ATP8A2: variants seen among roughly 807,000 people sequenced by gnomAD.
ATP8A2 encodes phospholipid-transporting ATPase IB.
In ATP8A2, 100 loss-of-function variants were observed where a neutral mutation model predicts 165.6. That is an observed-to-expected ratio of 0.60 (90% CI 0.51 to 0.71). The LOEUF is 0.71. ATP8A2 is among the 30% of genes least tolerant of loss of function. The pLI, the probability that ATP8A2 is intolerant of heterozygous loss-of-function variation, is 0.00. For missense variants in ATP8A2, 1,227 were observed against 1,479.5 expected, an observed-to-expected ratio of 0.83 and a Z score of 2.80; for synonymous variants, 543 against 548.8, an observed-to-expected ratio of 0.99 and a Z score of 0.15.
intron 24 of ATP8A2, among the ~76,000 whole-genome samples, chr13:25,639,750 G>A (rs1486789304): frequency 6.6e-6 from 1 of 152,102 alleles, no homozygotes; most frequent in Non-Finnish European, 1.5e-5. Context: ...GCACCAAGTG[G>A]ACTTAATAGA....
chr13:25,390,701 G>C (rs2033212563), intron 1 of ATP8A2, among the ~76,000 whole-genome samples: 1 of 152,140 alleles, frequency 6.6e-6, no homozygotes, highest in Non-Finnish European at 1.5e-5. Context: ...AGGCCAAGCT[G>C]GGTGGATCAT....
chr13:25,839,479 G>T (rs1317254591), intron 29 of ATP8A2, 67 bp from the exon 30 acceptor site: 1 of 1,104,244 alleles, frequency 9.1e-7, no homozygotes, highest in Non-Finnish European at 1.4e-6. Flanking sequence ...TGTGGCGTTT[G>T]TTGAGAGTTT....
At chr13:25,718,351 G>A (rs1467616044) in intron 25 of ATP8A2, among the ~76,000 whole-genome samples, 1 of 151,968 alleles carries the variant, frequency 6.6e-6, no homozygotes, top group Non-Finnish European at 1.5e-5. Context: ...AAATTTAAAT[G>A]ACATATAAAT....
chr13:25,536,307 G>A (rs543380793), intron 6 of ATP8A2, among the ~76,000 whole-genome samples: 2 of 151,576 alleles, frequency 1.3e-5, no homozygotes, highest in East Asian at 3.9e-4. Flanking sequence ...GTGAGATGGG[G>A]GTTTCACCAT....
chr13:25,392,937 G>A (rs376872263), intron 1 of ATP8A2, among the ~76,000 whole-genome samples: 124 of 151,370 alleles, frequency 8.2e-4, no homozygotes, highest in African/African-American at 2.9e-3. Flanking sequence ...AAAGAAAAAT[G>A]AACTGGATTC....
chr13:25,405,478 C>T (rs930548349), intron 1 of ATP8A2, among the ~76,000 whole-genome samples: 15 of 152,166 alleles, frequency 9.9e-5, no homozygotes, highest in Non-Finnish European at 2.1e-4. Flanking sequence ...GTATGGCCCA[C>T]GTATCTCAGC....
In ATP8A2 at chr13:25,848,190, A is replaced by C. The variant is rs141450347; in HGVS notation, c.2956+8566A>C. ...GTGAGTACGAACTTCTGCCTCCATG[A>C]CAATCATTCCATGTCTGCCTGTCTT... On this transcript the variant is annotated intron_variant, in intron 30 of 36. Coordinates refer to ENST00000381655, the MANE Select transcript of ATP8A2 (RefSeq NM_016529.6). Among the ~76,000 whole-genome samples, 716 of 152,306 alleles carry C rather than the reference A, an allele frequency of 4.7e-3. 7 individuals carry two copies. Among genetic ancestry groups the C allele is most frequent in the African/African-American group, 0.017 (691 of 41,562 alleles).
chr13:25,444,669 AG>A (rs2035024158), intron 1 of ATP8A2, among the ~76,000 whole-genome samples: 1 of 151,338 alleles, frequency 6.6e-6, no homozygotes, highest in African/African-American at 2.4e-5. Context: ...TTTTTGAGAC[AG>A]AGTCTCACTG....
intron 23 of ATP8A2, among the ~76,000 whole-genome samples, chr13:25,587,044 C>T (rs901082815): frequency 7.9e-5 from 12 of 152,156 alleles, no homozygotes; most frequent in Admixed American, 6.6e-4. Context: ...GTTCTCCTCT[C>T]AGTCATTTTA....
intron 33 of ATP8A2, among the ~76,000 whole-genome samples, chr13:25,864,978 A>G (rs1952466551): frequency 1.3e-5 from 2 of 152,180 alleles, no homozygotes; most frequent in Non-Finnish European, 2.9e-5. Context: ...TGCTTTGTTC[A>G]TTCTTTGAAA....
chr13:25,895,065 C>T (rs1185676410), intron 33 of ATP8A2, among the ~76,000 whole-genome samples: 4 of 152,182 alleles, frequency 2.6e-5, no homozygotes, highest in Admixed American at 6.6e-5. Flanking sequence ...GAACTTCCAA[C>T]ACTATGTTGA....
At chr13:25,424,577 A>G (rs1394215257) in intron 1 of ATP8A2, among the ~76,000 whole-genome samples, 1 of 152,216 alleles carries the variant, frequency 6.6e-6, no homozygotes, top group Non-Finnish European at 1.5e-5. Context: ...AAAACACATT[A>G]AAATATTTAC....
At chr13:25,781,801 A>G (rs189681284) in intron 27 of ATP8A2, among the ~76,000 whole-genome samples, 8 of 152,264 alleles carry the variant, frequency 5.3e-5, no homozygotes, top group African/African-American at 1.9e-4. Flanking sequence ...ACCTTCAAAC[A>G]TTGTTAGAAA....
chr13:25,580,858 A>C (rs1237908319), intron 22 of ATP8A2, among the ~76,000 whole-genome samples: 1 of 152,232 alleles, frequency 6.6e-6, no homozygotes, highest in Non-Finnish European at 1.5e-5. Context: ...CATAACTTTG[A>C]AACCATCACT....
intron 2 of ATP8A2, among the ~76,000 whole-genome samples, chr13:25,500,360 T>G (rs987056169): frequency 6.6e-6 from 1 of 152,220 alleles, no homozygotes; most frequent in Non-Finnish European, 1.5e-5. Flanking sequence ...TCATAGGATA[T>G]GCAGGTAAGA....
intron 10 of ATP8A2, among the ~76,000 whole-genome samples, chr13:25,546,212 C>T (rs2038644220): frequency 6.6e-6 from 1 of 152,112 alleles, no homozygotes; most frequent in Non-Finnish European, 1.5e-5. Flanking sequence ...GTAAGGCATG[C>T]ACTGAGTTTG....
intron 33 of ATP8A2, among the ~76,000 whole-genome samples, chr13:25,917,506 G>T (rs1316368440): frequency 1.3e-5 from 2 of 152,220 alleles, no homozygotes; most frequent in East Asian, 3.8e-4. Flanking sequence ...AATTGAGAAA[G>T]ACAGAGAAGA....
In ATP8A2 at chr13:25,527,885, C is replaced by G. The variant is rs141305984; in HGVS notation, c.222-2114C>G. 4.0e-3 allele frequency among the ~76,000 whole-genome samples: 613 copies of G among 152,292 alleles called. 4 individuals are homozygous for G. Among genetic ancestry groups the G allele is most frequent in the Non-Finnish European group, 4.4e-3 (302 of 68,016 alleles). On this transcript the variant is annotated intron_variant, in intron 2 of 36. Transcript: ENST00000381655. Reference sequence around the variant, plus strand: ...TATCTGGTTTATACAGATGGAATCTCAGGTTCAAATGTTATAATCAAGCTA... The same window carrying G: ...TATCTGGTTTATACAGATGGAATCTGAGGTTCAAATGTTATAATCAAGCTA...
chr13:25,724,821 G>A (rs1281860855), intron 25 of ATP8A2, among the ~76,000 whole-genome samples: 27 of 152,178 alleles, frequency 1.8e-4, no homozygotes, highest in Admixed American at 1.3e-3. Context: ...CCCACAAAGG[G>A]TGTAGACAAT....
Sources: allele counts gnomAD v4.1 joint callset (sites outside exome capture counted in the v4.1 genomes callset), GRCh38; gene constraint gnomAD v4.1.1; transcripts MANE v1.5; gene names NCBI Gene and HGNC (gene_info 2026-07-23, HGNC 2026-07-21).